NCALD: variants seen among roughly 807,000 people sequenced by gnomAD.
NCALD encodes the protein neurocalcin delta.
In NCALD, 10 loss-of-function variants were observed where a neutral mutation model predicts 18.6. That is an observed-to-expected ratio of 0.54 (90% confidence interval 0.33 to 0.91). The LOEUF (loss-of-function observed/expected upper bound fraction) is 0.91. NCALD is among the 40% of genes least tolerant of loss of function. The probability of loss-of-function intolerance (pLI) is 0.03; values close to 1 mark genes in which losing one functional copy is unlikely to be tolerated. For synonymous variants in NCALD, 88 were observed against 87.4 expected (o/e 1.01, Z -0.04); for missense variants, 184 against 247.6 (o/e 0.74, Z 1.72).
At chr8:101,958,374 CAG>C (rs1819713145) in intron 2 of NCALD, among the ~76,000 whole-genome samples, 1 of 151,978 alleles carries the variant, frequency 6.6e-6, no homozygotes, top group East Asian at 1.9e-4. Context: ...TTTACTCGTA[CAG>C]CATAATTGGT....
chr8:102,053,274 A>G (rs1420502962), intron 1 of NCALD, among the ~76,000 whole-genome samples: 1 of 152,182 alleles, frequency 6.6e-6, no homozygotes, highest in Non-Finnish European at 1.5e-5. Context: ...TCTCAACATT[A>G]AGAGATGTTT....
chr8:102,075,746 A>G (rs112496646), intron 1 of NCALD, among the ~76,000 whole-genome samples: 9,229 of 152,206 alleles, frequency 0.061, 412 homozygotes, highest in Non-Finnish European at 0.092. Context: ...CAAGGTCAGG[A>G]GTTCAAGACC....
intron 2 of NCALD, among the ~76,000 whole-genome samples, chr8:101,947,258 A>T (rs1445056922): frequency 6.6e-6 from 1 of 152,198 alleles, no homozygotes; most frequent in Admixed American, 6.5e-5. Flanking sequence ...TGACTTTCTG[A>T]AGGGCCAAAG....
chr8:102,005,156 T>G (rs1210245125), intron 2 of NCALD, among the ~76,000 whole-genome samples: 1 of 152,070 alleles, frequency 6.6e-6, no homozygotes, highest in Non-Finnish European at 1.5e-5. Flanking sequence ...ATATCCAGAA[T>G]CTACAATGAA....
At chr8:101,753,144 C>T (rs568913428) in intron 1 of NCALD, among the ~76,000 whole-genome samples, 1 of 152,234 alleles carries the variant, frequency 6.6e-6, no homozygotes, top group South Asian at 2.1e-4. Context: ...AATAAAACAT[C>T]CAGGGCACCT....
chr8:101,853,661 G>A (rs1407407925), intron 4 of NCALD, among the ~76,000 whole-genome samples: 2 of 152,012 alleles, frequency 1.3e-5, no homozygotes, highest in Non-Finnish European at 2.9e-5. Context: ...TGATCCCTAG[G>A]TTTTTGTGGG....
intron 4 of NCALD, among the ~76,000 whole-genome samples, chr8:101,864,593 CTTT>C (rs34516996): frequency 1.5e-5 from 2 of 136,876 alleles, no homozygotes; most frequent in Non-Finnish European, 3.1e-5. Context: ...TCTTTCCTTT[CTTT>C]TTTTTTTTTT....
chr8:101,759,449 C>T (rs910150043), intron 1 of NCALD, among the ~76,000 whole-genome samples: 2 of 152,094 alleles, frequency 1.3e-5, no homozygotes, highest in Non-Finnish European at 2.9e-5. Flanking sequence ...TATCTTGATA[C>T]ACCAATGGGG....
chr8:101,943,633 A>T (rs1819042690), intron 2 of NCALD, among the ~76,000 whole-genome samples: 1 of 152,164 alleles, frequency 6.6e-6, no homozygotes, highest in Non-Finnish European at 1.5e-5. Flanking sequence ...ACATTTGGTG[A>T]ATCTAATTAA....
At chr8:102,075,669 C>G (rs143626452) in intron 1 of NCALD, among the ~76,000 whole-genome samples, 3 of 152,096 alleles carry the variant, frequency 2.0e-5, no homozygotes, top group Non-Finnish European at 4.4e-5. Flanking sequence ...AATGTTTCCA[C>G]GTTGGCTAGG....
chr8:101,691,294 T>G (rs1586210974), intron 3 of NCALD: 3 of 985,316 alleles, frequency 3.0e-6, no homozygotes, highest in African/African-American at 1.7e-5. Flanking sequence ...AATTTAATTT[T>G]AAACATGAGG....
At chr8:102,046,593 C>T (rs1358944255) in intron 1 of NCALD, among the ~76,000 whole-genome samples, 62 of 152,116 alleles carry the variant, frequency 4.1e-4, no homozygotes, top group Non-Finnish European at 4.4e-5. Context: ...CAACCTCTGC[C>T]TCCCAGGCTC....
chr8:101,978,226 C>T (rs1465467469), intron 2 of NCALD, among the ~76,000 whole-genome samples: 1 of 151,822 alleles, frequency 6.6e-6, no homozygotes, highest in Non-Finnish European at 1.5e-5. Context: ...CTCTTTTTTC[C>T]CCTTTGCTAA....
rs112422307 is a variant in NCALD at position 101,807,331 on chromosome 8, A to T, written c.-20+79810T>A. On this transcript the variant is annotated intron_variant, in intron 4 of 6. Coordinates refer to the NCALD transcript ENST00000311028. ...ATATAATTGTATATTGGAGTTGTAA[A>T]GTACAGAATTGTAAAATATTGTTGT... Among the ~76,000 whole-genome samples the T allele has an allele frequency of 5.7e-3, 868 of 152,290 alleles. 11 individuals carry two copies. Among genetic ancestry groups the T allele is most frequent in the African/African-American group, 0.018 (763 of 41,572 alleles).
chr8:101,959,509 AG>A (rs544699563), intron 2 of NCALD, among the ~76,000 whole-genome samples: 135 of 152,268 alleles, frequency 8.9e-4, no homozygotes, highest in Middle Eastern at 3.4e-3. Flanking sequence ...AAAACTTTCC[AG>A]TTATTTGTTA....
intron 1 of NCALD, among the ~76,000 whole-genome samples, chr8:101,772,127 C>A (rs1314155213): frequency 2.0e-5 from 3 of 152,176 alleles, no homozygotes; most frequent in Non-Finnish European, 4.4e-5. Flanking sequence ...ATGGCAAAAA[C>A]TGTAGGAGTT....
At position 101,902,603 on chromosome 8, in the gene NCALD, G is replaced by A. The variant is rs1586728225; in HGVS notation, c.-107+13206C>T. Among the ~76,000 whole-genome samples, 3 of 152,270 alleles carry A rather than the reference G, an allele frequency of 2.0e-5. No homozygotes were observed. In the South Asian group the frequency reaches 6.2e-4, roughly 32 times the overall value. ...AGCCAAGGCAGGAACAAGCAGTGTT[G>A]CAGCATTAAGCTGTAGCTTATCAGA... On this transcript the variant is annotated intron_variant, in intron 3 of 6. Transcript: ENST00000311028.
chr8:101,916,645 G>A (rs780443026), intron 2 of NCALD, among the ~76,000 whole-genome samples: 2 of 151,896 alleles, frequency 1.3e-5, no homozygotes, highest in Admixed American at 6.6e-5. Context: ...CAAAGTAAAG[G>A]GTGGAAGAAA....
chr8:102,055,670 A>G (rs1450230028), intron 1 of NCALD, among the ~76,000 whole-genome samples: 1 of 152,158 alleles, frequency 6.6e-6, no homozygotes, highest in Non-Finnish European at 1.5e-5. Context: ...AAATTAACAA[A>G]TGGTGGATAT....
Sources: gnomAD v4.1 joint callset for allele counts (sites outside exome capture counted in the v4.1 genomes callset) on GRCh38, gnomAD v4.1.1 for gene constraint, MANE v1.5 for transcripts, NCBI Gene and HGNC (gene_info 2026-07-23, HGNC 2026-07-21) for gene names.